SLC17A2: variants seen among roughly 807,000 people sequenced by gnomAD.
SLC17A2 encodes the protein solute carrier family 17 member 2, also known as sodium-dependent phosphate transport protein 3.
SLC17A2 carries 38 observed loss-of-function variants against 52.1 expected under a neutral mutation model. That is an observed-to-expected ratio of 0.73 (90% CI 0.56 to 0.96). SLC17A2 has a LOEUF of 0.96. Among genes scored for constraint, SLC17A2 ranks in the 40% least tolerant of loss-of-function variants. The probability of loss-of-function intolerance (pLI) is 0.00; values close to 1 mark genes in which losing one functional copy is unlikely to be tolerated. For synonymous variants in SLC17A2, 226 were observed against 211.9 expected (o/e 1.07, Z -0.58); for missense variants, 508 against 583.9 (o/e 0.87, Z 1.34).
Position 25,929,644 on chromosome 6 carries a change from C to T in SLC17A2, c.-84+633G>A, listed in dbSNP as rs112304367. ...GAAAAACTGAGGGCCCTCTCATCATCTGCCTATCTTTCTGAGAAATTGGTG... is the reference window on the plus strand; with the variant it reads ...GAAAAACTGAGGGCCCTCTCATCATTTGCCTATCTTTCTGAGAAATTGGTG... On this transcript the variant is annotated intron_variant, in intron 1 of 11. Coordinates refer to ENST00000377850, the MANE Select transcript of SLC17A2 (RefSeq NM_001286123.3). Among the ~76,000 whole-genome samples the T allele has an allele frequency of 6.2e-3, 945 of 152,292 alleles. 8 individuals are homozygous for T. Among genetic ancestry groups the T allele is most frequent in the Middle Eastern group, 0.034 (10 of 294 alleles).
intron 2 of SLC17A2, among the ~76,000 whole-genome samples, chr6:25,924,740 C>G (rs542423205): frequency 6.7e-6 from 1 of 150,086 alleles, no homozygotes; most frequent in Admixed American, 6.6e-5. Flanking sequence ...ACCCAGGAGG[C>G]AGAGGTTGCA....
chr6:25,919,503 TGA>T (rs1361206477), intron 5 of SLC17A2, among the ~76,000 whole-genome samples: 2 of 151,212 alleles, frequency 1.3e-5, no homozygotes, highest in Non-Finnish European at 3.0e-5. Context: ...GTCAGGAGAT[TGA>T]GACCATCCTG....
intron 1 of SLC17A2, among the ~76,000 whole-genome samples, chr6:25,926,108 C>T (rs1766754667): frequency 6.6e-6 from 1 of 152,106 alleles, no homozygotes; most frequent in South Asian, 2.1e-4. Flanking sequence ...TCATTCATTT[C>T]CTCATCTGTT....
chr6:25,929,973 A>G (rs2151563465), intron 1 of SLC17A2, among the ~76,000 whole-genome samples: 1 of 152,252 alleles, frequency 6.6e-6, no homozygotes, highest in East Asian at 1.9e-4. Flanking sequence ...ACGCGCCGCT[A>G]CGCCCTGCTA....
At chr6:25,914,502 A>C (rs1233281666) in intron 11 of SLC17A2, 78 bp downstream of exon 11, 2 of 901,238 alleles carry the variant, frequency 2.2e-6, no homozygotes, top group Admixed American at 3.7e-5. Context: ...TGCCATCCAG[A>C]TCTTTAGAGC....
In SLC17A2 at chr6:25,915,886, A is replaced by G. The variant is rs892506838; in HGVS notation, c.931-18T>C. 6.2e-7 allele frequency: 1 copy of G among 1,611,636 alleles called. No homozygotes were observed. Among genetic ancestry groups the G allele is most frequent in the African/African-American group, 1.3e-5 (1 of 74,836 alleles). ...ACTCCACTCTGAAGGAAGGAAGTTT[A>G]TACAGAGTAGTTATAGAGATACGTT... On this transcript the variant is annotated intron_variant, in intron 8 of 11. Transcript: ENST00000377850.
At chr6:25,916,198 A>G (rs966727124) in intron 8 of SLC17A2, among the ~76,000 whole-genome samples, 6 of 152,192 alleles carry the variant, frequency 3.9e-5, no homozygotes, top group African/African-American at 1.4e-4. Context: ...CTCCTGTCTC[A>G]GCCTCCTGAA....
Position 25,921,215 on chromosome 6 carries a change from C to T in SLC17A2, c.438G>A (p.Leu146=). ...CCTGGACTGTCCGAACCATGATGAC[C>T]AAAATCACTCCGAAGTCAGCAGCCA... The part of the protein sequence containing the change: ...TPLAADFGVI[L]VIMVRTVQGM... Residue 146 remains leucine, a synonymous_variant, in exon 4 of 12, where the codon TTG becomes TTA. Coordinates refer to ENST00000377850, the MANE Select transcript of SLC17A2 (RefSeq NM_001286123.3). 1 of 1,614,104 alleles carries T rather than the reference C, an allele frequency of 6.2e-7. No individual in the cohort carries two copies. Among genetic ancestry groups the T allele is most frequent in the South Asian group, 1.1e-5 (1 of 91,082 alleles).
intron 6 of SLC17A2, among the ~76,000 whole-genome samples, chr6:25,917,867 T>C (rs1049015087): frequency 6.6e-6 from 1 of 152,212 alleles, no homozygotes; most frequent in Non-Finnish European, 1.5e-5. Context: ...ACCCAAGTGA[T>C]GAAAACATAG....
intron 1 of SLC17A2, among the ~76,000 whole-genome samples, chr6:25,927,436 C>A (rs1469247044): frequency 1.3e-5 from 2 of 152,192 alleles, no homozygotes; most frequent in Non-Finnish European, 2.9e-5. Context: ...CATCCACATA[C>A]AGGAATAGAA....
At chr6:25,925,367 T>G (rs199743) in intron 2 of SLC17A2, among the ~76,000 whole-genome samples, 119,192 of 151,846 alleles carry the variant, frequency 0.78, 46,982 homozygotes, top group East Asian at 0.87. Flanking sequence ...CAAAAATTCA[T>G]CTGGGCATGG....
chr6:25,919,232 A>G (rs1766445321), intron 5 of SLC17A2, among the ~76,000 whole-genome samples: 1 of 152,294 alleles, frequency 6.6e-6, no homozygotes, highest in South Asian at 2.1e-4. Flanking sequence ...ATGCACTCCA[A>G]CAATTTCTAT....
rs376858108 is a variant in SLC17A2, at chr6:25,925,781, C to T, written c.16G>A (p.Ala6Thr). 2 of 1,614,060 alleles carry T rather than the reference C, an allele frequency of 1.2e-6. No individual in the cohort carries two copies. Among genetic ancestry groups the T allele is most frequent in the African/African-American group, 2.7e-5 (2 of 74,948 alleles). ...GCAGTGGCTTTACCTTTCCTGGTGG[C>T]AGGCTTCCCGTCCATTTAGCTTCTG... Reference protein sequence around the residue: MDGKPATRKGPDFCSL... With the variant: MDGKPTTRKGPDFCSL... The change falls in exon 2 of 12, where the codon GCC becomes ACC. Residue 6 changes from alanine (A) to threonine (T), a missense_variant. Physicochemically the swap from Ala to Thr is moderately conservative, Grantham distance 58 (BLOSUM62 0). Transcript: ENST00000377850.
rs974553411 is a variant in SLC17A2, at chr6:25,913,228, T to C, written c.*89A>G. 1.4e-6 allele frequency: 2 copies of C among 1,412,442 alleles called. No homozygotes were observed. The highest frequency in any genetic ancestry group is 1.4e-5 in the African/African-American group (1 of 70,784). The allele number at this position is 1,412,442 out of a possible 1,614,324, so 87.5% of individuals were successfully genotyped here. ...ACACACAGCCAGAGTTAAGAACTGC[T>C]GAGTCTATGGTCAGGAATATGGAGA... On this transcript the variant is annotated 3_prime_UTR_variant, in exon 12 of 12. Coordinates refer to ENST00000377850, the MANE Select transcript of SLC17A2 (RefSeq NM_001286123.3).
intron 7 of SLC17A2, 32 bp downstream of exon 7, chr6:25,916,937 C>T (rs780093023): frequency 1.1e-5 from 18 of 1,603,412 alleles, no homozygotes; most frequent in Non-Finnish European, 1.5e-5. Context: ...GAGACCTCTG[C>T]ATGGGCCACA....
intron 5 of SLC17A2, among the ~76,000 whole-genome samples, chr6:25,920,737 C>T (rs188131223): frequency 2.0e-5 from 3 of 152,164 alleles, no homozygotes; most frequent in East Asian, 3.9e-4. Flanking sequence ...AAACTTTTTC[C>T]GACAAGGCTT....
chr6:25,917,139 AG>A, intron 6 of SLC17A2, 52 bp from the exon 7 acceptor site: 1 of 1,372,948 alleles, frequency 7.3e-7, no homozygotes, highest in Non-Finnish European at 1.0e-6. Context: ...TACTGGGGGA[AG>A]GAAGTTTCCT....
At position 25,923,672 on chromosome 6, in the gene SLC17A2, G is replaced by A. The variant is rs1479553858; in HGVS notation, c.240+23C>T. On this transcript the variant is annotated intron_variant, in intron 3 of 11. Transcript: ENST00000377850. ...TCAAAGTTTTTTCTCTCAACAAAGA[G>A]CCCTATTTTCCATCATACTTACCTT... is the stretch of plus-strand genomic sequence containing the variant. The A allele has an allele frequency of 1.9e-6, 3 of 1,576,702 alleles. No homozygotes were observed. In the South Asian group the frequency reaches 3.3e-5, roughly 17 times the overall value.
chr6:25,924,042 G>A (rs142397216), intron 2 of SLC17A2, 136 bp from the exon 3 acceptor site: 2 of 689,428 alleles, frequency 2.9e-6, no homozygotes, highest in Non-Finnish European at 4.9e-6. Flanking sequence ...AAAATAGCCA[G>A]CACTACAAAC....
Sources: allele counts gnomAD v4.1 joint callset (sites outside exome capture counted in the v4.1 genomes callset), GRCh38; gene constraint gnomAD v4.1.1; transcripts MANE v1.5; gene names NCBI Gene and HGNC (gene_info 2026-07-23, HGNC 2026-07-21).